Variants in TSPEAR observed in about 807,000 individuals in gnomAD.
TSPEAR encodes thrombospondin type laminin G domain and EAR repeats, also known as thrombospondin-type laminin G domain and EAR repeat-containing protein.
Under a neutral mutation model 71.6 loss-of-function variants are expected in TSPEAR, and 69 were observed. That is an observed-to-expected ratio of 0.96 (90% CI 0.79 to 1.18). TSPEAR has a LOEUF of 1.18. TSPEAR is among the 50% of genes most tolerant of loss of function. The pLI is 0.00. For missense variants in TSPEAR, 971 were observed against 894.9 expected (o/e 1.09, Z -1.09); for synonymous variants, 402 against 387.2 (o/e 1.04, Z -0.45).
chr21:44,600,600 C>G (rs782542983), intron 1 of TSPEAR: 2 of 1,603,782 alleles, frequency 1.2e-6, no homozygotes, highest in East Asian at 2.2e-5. Context: ...TCACTCCCAT[C>G]TCCTCCAGTT....
chr21:44,682,853 C>G lies in TSPEAR; in HGVS notation c.82+28580G>C, dbSNP rs539218467. 4.6e-5 allele frequency among the ~76,000 whole-genome samples: 7 copies of G among 152,284 alleles called. No individual in the cohort carries two copies. The East Asian group carries it at 1.3e-3, about 29-fold the overall frequency. ...GGGCCAGCGCTCAAGCAGCTGAAGC[C>G]CTGGAGTCCGAGGAGCAGAGAAGCG... On this transcript the variant is annotated intron_variant, in intron 1 of 11. Coordinates refer to ENST00000323084, the MANE Select transcript of TSPEAR (RefSeq NM_144991.3).
chr21:44,702,823 G>A lies in TSPEAR; in HGVS notation c.82+8610C>T. 3 of 1,106,794 alleles carry A rather than the reference G, an allele frequency of 2.7e-6. No individual in the cohort carries two copies. The South Asian group carries it at 4.1e-5, about 15-fold the overall frequency. The allele number at this position is 1,106,794 out of a possible 1,614,324, so 68.6% of individuals were successfully genotyped here. The stretch of plus-strand genomic sequence containing the variant: ...CTGACGGGCACGTCCCCCAGGGCCA[G>A]CCAGGCTCAGGTTCCCCCCAACCTC... On this transcript the variant is annotated intron_variant, in intron 1 of 11. Coordinates refer to ENST00000323084, the MANE Select transcript of TSPEAR (RefSeq NM_144991.3).
At chr21:44,539,684 C>T (rs587699538) in intron 2 of TSPEAR, 1 of 1,593,522 alleles carries the variant, frequency 6.3e-7, no homozygotes, top group South Asian at 1.1e-5. Context: ...ATCCTCAGAG[C>T]AGGTGGGCAC....
intron 1 of TSPEAR, among the ~76,000 whole-genome samples, chr21:44,578,681 G>A (rs1978637304): frequency 6.6e-6 from 1 of 152,152 alleles, no homozygotes; most frequent in Admixed American, 6.5e-5. Context: ...CTTGCAGGGA[G>A]GGTAACTGAA....
At chr21:44,688,675 C>T (rs561031179) in intron 1 of TSPEAR, among the ~76,000 whole-genome samples, 5 of 152,128 alleles carry the variant, frequency 3.3e-5, no homozygotes, top group African/African-American at 1.2e-4. Context: ...CCCCACTGGA[C>T]TCCAGCCTGG....
intron 3 of TSPEAR, among the ~76,000 whole-genome samples, chr21:44,531,877 C>T (rs1355902302): frequency 6.6e-6 from 1 of 152,258 alleles, no homozygotes; most frequent in African/African-American, 2.4e-5. Context: ...CGCTGAGGGA[C>T]AGCGTGGCTA....
Position 44,687,028 on chromosome 21 carries a change from C to T in TSPEAR, c.82+24405G>A, listed in dbSNP as rs1469827217. Reference sequence around the variant, plus strand: ...GAGTCCAAAGGGGGTGTCTCCTTCCCAGTAGTTTCAGACGAGGATCTCTCA... The same window carrying T: ...GAGTCCAAAGGGGGTGTCTCCTTCCTAGTAGTTTCAGACGAGGATCTCTCA... On this transcript the variant is annotated intron_variant, in intron 1 of 11. Transcript: ENST00000323084. This position sits in a 1 kb window ranked among gnomAD's most constrained non-coding sequence, Gnocchi z 4.4. 1.3e-5 allele frequency among the ~76,000 whole-genome samples: 2 copies of T among 152,146 alleles called. No homozygotes were observed. Among genetic ancestry groups the T allele is most frequent in the Non-Finnish European group, 2.9e-5 (2 of 68,022 alleles).
chr21:44,617,571 A>AGGCAAGGGATGCT (rs1982184517), intron 1 of TSPEAR, among the ~76,000 whole-genome samples: 1 of 152,246 alleles, frequency 6.6e-6, no homozygotes, highest in Non-Finnish European at 1.5e-5. Context: ...ATACAACTGC[A>AGGCAAGGGATGCT]GGCAAGGGAT....
At chr21:44,606,175 A>AAAAC (rs1340761517) in intron 1 of TSPEAR, among the ~76,000 whole-genome samples, 3 of 151,680 alleles carry the variant, frequency 2.0e-5, no homozygotes, top group East Asian at 3.9e-4. Flanking sequence ...AAAAAAAAAA[A>AAAAC]AAAAAAAACT....
intron 1 of TSPEAR, among the ~76,000 whole-genome samples, chr21:44,570,349 G>A (rs2053775113): frequency 6.6e-6 from 1 of 152,228 alleles, no homozygotes; most frequent in Non-Finnish European, 1.5e-5. Context: ...TCCTGGGAGT[G>A]GACACCCAAG....
In TSPEAR at chr21:44,687,805, T is replaced by C; in HGVS notation, c.82+23628A>G. ...TGGCAAACTTCGTCAAATGATACCC[T>C]TGAGATTTGAATCATTTCACATGCA... On this transcript the variant is annotated intron_variant, in intron 1 of 11. Transcript: ENST00000323084. The surrounding 1 kb of genome is among the most constrained non-coding windows in gnomAD (Gnocchi z 4.4). 6.6e-6 allele frequency among the ~76,000 whole-genome samples: 1 copy of C among 152,176 alleles called. No individual in the cohort carries two copies. Among genetic ancestry groups the C allele is most frequent in the Non-Finnish European group, 1.5e-5 (1 of 68,026 alleles).
chr21:44,626,564 A>G (rs1982797034), intron 1 of TSPEAR, among the ~76,000 whole-genome samples: 1 of 152,244 alleles, frequency 6.6e-6, no homozygotes, highest in African/African-American at 2.4e-5. Context: ...GCCCTGGAAC[A>G]GAGTCCTGCT....
chr21:44,687,791 G>A lies in TSPEAR; in HGVS notation c.82+23642C>T, dbSNP rs578253120. ...CTGTGTTGACAGATTGGCAAACTTC[G>A]TCAAATGATACCCTTGAGATTTGAA... is the stretch of plus-strand genomic sequence containing the variant. On this transcript the variant is annotated intron_variant, in intron 1 of 11. Coordinates refer to ENST00000323084, the MANE Select transcript of TSPEAR (RefSeq NM_144991.3). The surrounding 1 kb of genome is among the most constrained non-coding windows in gnomAD (Gnocchi z 4.4). Among the ~76,000 whole-genome samples, 1 of 152,292 alleles carries A rather than the reference G, an allele frequency of 6.6e-6. No homozygotes were observed. Among genetic ancestry groups the A allele is most frequent in the South Asian group, 2.1e-4 (1 of 4,824 alleles).
intron 1 of TSPEAR, chr21:44,676,254 C>T: frequency 7.7e-7 from 1 of 1,291,852 alleles, no homozygotes; most frequent in Non-Finnish European, 1.1e-6. Flanking sequence ...CTCTAAGGGT[C>T]TCTTCACTGT....
At chr21:44,549,091 C>T (rs2053353343) in intron 2 of TSPEAR, among the ~76,000 whole-genome samples, 1 of 152,254 alleles carries the variant, frequency 6.6e-6, no homozygotes, top group Non-Finnish European at 1.5e-5. Flanking sequence ...AATCCTGCCC[C>T]TGTGCCCTTT....
At chr21:44,666,814 A>G (rs782186682) in intron 1 of TSPEAR, 1 of 1,610,408 alleles carries the variant, frequency 6.2e-7, no homozygotes, top group South Asian at 1.1e-5. Context: ...CTGGGCACAC[A>G]ACAGGCTGGC....
chr21:44,670,234 T>A (rs1418912786), intron 1 of TSPEAR, among the ~76,000 whole-genome samples: 2 of 152,144 alleles, frequency 1.3e-5, no homozygotes, highest in Non-Finnish European at 2.9e-5. Context: ...CTGTGTCAGG[T>A]AGTGGGTTCA....
At chr21:44,603,908 C>T (rs914013316) in intron 1 of TSPEAR, among the ~76,000 whole-genome samples, 5 of 152,230 alleles carry the variant, frequency 3.3e-5, no homozygotes, top group Non-Finnish European at 7.3e-5. Context: ...AGCATAAGCA[C>T]ACAATCAAAG....
At chr21:44,586,616 A>T (rs2146112178) in intron 1 of TSPEAR, among the ~76,000 whole-genome samples, 1 of 151,110 alleles carries the variant, frequency 6.6e-6, no homozygotes, top group African/African-American at 2.4e-5. Context: ...AATCAGCACC[A>T]CTCCCCATGT....
Sources: allele counts gnomAD v4.1 joint callset (sites outside exome capture counted in the v4.1 genomes callset), GRCh38; gene constraint gnomAD v4.1.1; non-coding constraint Gnocchi (gnomAD v3.1); transcripts MANE v1.5; gene names NCBI Gene and HGNC (gene_info 2026-07-23, HGNC 2026-07-21).